The following DAB2 variants were observed in gnomAD, a reference collection of about 807,000 sequenced individuals.
DAB2 encodes the protein DAB adaptor protein 2, also known as disabled homolog 2.
Under a neutral mutation model 71.6 loss-of-function variants are expected in DAB2, and 28 were observed. The observed-to-expected ratio is 0.39, with a 90% CI of 0.29 to 0.54. DAB2 has a LOEUF of 0.54. Among genes scored for constraint, DAB2 ranks in the 20% least tolerant of loss-of-function variants. The pLI, the probability that DAB2 is intolerant of heterozygous loss-of-function variation, is 0.68. For synonymous variants in DAB2, 345 were observed against 339.7 expected, an observed-to-expected ratio of 1.02 and a Z score of -0.17; for missense variants, 867 against 928.8, an observed-to-expected ratio of 0.93 and a Z score of 0.86.
intron 3 of DAB2, 151 bp downstream of exon 3, chr5:39,393,103 G>T: frequency 1.3e-6 from 1 of 741,366 alleles, no homozygotes; most frequent in Non-Finnish European, 2.2e-6. Flanking sequence ...AAACACTCAC[G>T]GTTTCTCAGA....
chr5:39,380,811 T>C (rs956260150), intron 11 of DAB2, among the ~76,000 whole-genome samples: 2 of 152,166 alleles, frequency 1.3e-5, no homozygotes, highest in African/African-American at 4.8e-5. Flanking sequence ...AACTTTGGCT[T>C]TCTAGGACTT....
intron 11 of DAB2, 39 bp downstream of exon 11, chr5:39,381,415 G>A (rs1348606580): frequency 6.3e-7 from 1 of 1,592,482 alleles, no homozygotes; most frequent in Admixed American, 1.7e-5. Context: ...ATGAGCAAAA[G>A]CAAAAGAGTC....
intron 14 of DAB2, among the ~76,000 whole-genome samples, chr5:39,374,591 C>A (rs1334089870): frequency 1.3e-5 from 2 of 152,178 alleles, no homozygotes; most frequent in African/African-American, 4.8e-5. Flanking sequence ...TGATCATAAT[C>A]TGTTTTGCTG....
At chr5:39,385,613 A>T (rs1309466477) in intron 9 of DAB2, among the ~76,000 whole-genome samples, 1 of 152,128 alleles carries the variant, frequency 6.6e-6, no homozygotes, top group Non-Finnish European at 1.5e-5. Context: ...TGAGCACCTG[A>T]GCCGCACGCA....
rs1754856502 is a variant in DAB2 at position 39,377,249 on chromosome 5, G to T, written c.1538C>A (p.Pro513Gln). The stretch of plus-strand genomic sequence containing the variant: ...GAAGACCAAAGATGCTGTGTTCCAT[G>T]GTCCTGCCTGAGGGAGTGTGACAGT... ...GVTVTLPQAG[P>Q]WNTASLVFNQ... The change falls in exon 12 of 15, where the codon CCA (proline) becomes CAA (glutamine). Residue 513 changes from proline (P) to glutamine (Q), a missense_variant. Pro to Gln is a moderately conservative substitution (Grantham distance 76, BLOSUM62 -1). This residue lies in a region of DAB2 where 740 missense variants were observed against 734.3 expected (regional missense o/e 1.01). Transcript: ENST00000320816. 1 of 1,613,960 alleles carries T rather than the reference G, an allele frequency of 6.2e-7. No individual in the cohort carries two copies. The highest frequency in any genetic ancestry group is 8.5e-7 in the Non-Finnish European group (1 of 1,179,928).
rs763370289 is a variant in DAB2 at position 39,376,700 on chromosome 5, T to C, written c.2087A>G (p.Asn696Ser). ...AGCATCAAAGTCATCATGGTCTGCA[T>C]TCTCCTGAGGAATGCCAACCTTGCT... is the stretch of plus-strand genomic sequence containing the variant. Reference protein sequence around the residue: ...FNSKVGIPQENADHDDFDANQ... With the variant: ...FNSKVGIPQESADHDDFDANQ... The change falls in exon 12 of 15, where the codon AAT becomes AGT. Residue 696 changes from asparagine to serine, a missense_variant. By Grantham distance (46) the Asn-to-Ser change is conservative (BLOSUM62 1). Coordinates refer to ENST00000320816, the MANE Select transcript of DAB2 (RefSeq NM_001343.4). 4 of 1,614,136 alleles carry C rather than the reference T, an allele frequency of 2.5e-6. No individual in the cohort carries two copies. In the East Asian group the frequency reaches 8.9e-5, roughly 36 times the overall value.
intron 1 of DAB2, among the ~76,000 whole-genome samples, chr5:39,399,387 T>C (rs1579916483): frequency 6.6e-6 from 1 of 152,216 alleles, no homozygotes; most frequent in Non-Finnish European, 1.5e-5. Flanking sequence ...GGACTGGCTG[T>C]TTCCTTCATT....
chr5:39,385,942 A>G (rs1276463241), intron 9 of DAB2, among the ~76,000 whole-genome samples: 1 of 152,188 alleles, frequency 6.6e-6, no homozygotes, highest in Non-Finnish European at 1.5e-5. Context: ...AGCTTTTAGC[A>G]TCGATTTTTC....
At chr5:39,389,193 T>A in intron 6 of DAB2, 70 bp from the exon 7 acceptor site, 1 of 1,239,072 alleles carries the variant, frequency 8.1e-7, no homozygotes, top group Non-Finnish European at 1.2e-6. Context: ...CACAAACAAG[T>A]ATGCCTATGG....
intron 1 of DAB2, among the ~76,000 whole-genome samples, chr5:39,402,371 T>C (rs1420511159): frequency 2.6e-5 from 4 of 152,212 alleles, no homozygotes; most frequent in Admixed American, 6.5e-5. Flanking sequence ...TAAGAACCTA[T>C]GCTCAAATGA....
At chr5:39,403,413 C>T (rs1304696495) in intron 1 of DAB2, among the ~76,000 whole-genome samples, 2 of 152,052 alleles carry the variant, frequency 1.3e-5, no homozygotes, top group African/African-American at 4.8e-5. Flanking sequence ...CCAAGAATGC[C>T]TTCCATTTAG....
At chr5:39,391,443 G>A (rs1240039116) in intron 4 of DAB2, among the ~76,000 whole-genome samples, 1 of 152,070 alleles carries the variant, frequency 6.6e-6, no homozygotes, top group Non-Finnish European at 1.5e-5. Flanking sequence ...AGATAAAGGC[G>A]ACTGATAAAG....
chr5:39,384,066 A>T (rs1417736350), intron 9 of DAB2, among the ~76,000 whole-genome samples: 1 of 152,212 alleles, frequency 6.6e-6, no homozygotes, highest in Non-Finnish European at 1.5e-5. Flanking sequence ...TCAATCACAC[A>T]TTAAGATCTC....
In DAB2 at chr5:39,424,938, G is replaced by C. The variant is rs1756074081; in HGVS notation, c.-236C>G. Reference sequence around the variant, plus strand: ...GCTTCGGAGCCGCGCGGCCACTCCCGGCGAGAGATATGGTTCTAATCAGAT... The same window carrying C: ...GCTTCGGAGCCGCGCGGCCACTCCCCGCGAGAGATATGGTTCTAATCAGAT... On this transcript the variant is annotated 5_prime_UTR_variant, in exon 1 of 15. Transcript: ENST00000320816. 1 of 152,392 alleles carries C rather than the reference G, an allele frequency of 6.6e-6. No individual in the cohort carries two copies. The highest frequency in any genetic ancestry group is 2.4e-5 in the African/African-American group (1 of 41,386). The allele number at this position is 152,392 out of a possible 1,614,324, so 9.4% of individuals were successfully genotyped here.
rs569999215 is a variant in DAB2, at chr5:39,395,084, A to G, written c.-101-663T>C. On this transcript the variant is annotated intron_variant, in intron 1 of 14. Transcript: ENST00000320816. ...TTATGCTATTATTCAGCATCACCATACTCCAAACAGTCTGTCATGTGCTCT... is the reference window on the plus strand; with the variant it reads ...TTATGCTATTATTCAGCATCACCATGCTCCAAACAGTCTGTCATGTGCTCT... Among the ~76,000 whole-genome samples, 3 of 152,132 alleles carry G rather than the reference A, an allele frequency of 2.0e-5. No individual in the cohort carries two copies. In the East Asian group the frequency reaches 5.8e-4, roughly 29 times the overall value.
intron 1 of DAB2, among the ~76,000 whole-genome samples, chr5:39,405,351 C>A (rs192566455): frequency 1.6e-3 from 237 of 152,308 alleles, no homozygotes; most frequent in Admixed American, 2.3e-3. Context: ...TCAAGTATAA[C>A]CTCCTCTGGC....
At chr5:39,418,182 A>T (rs969140233) in intron 1 of DAB2, 1 of 152,338 alleles carries the variant, frequency 6.6e-6, no homozygotes, top group East Asian at 1.9e-4. Flanking sequence ...AGCACCTACT[A>T]TGTGTAGCCA....
intron 12 of DAB2, 111 bp from the exon 13 acceptor site, chr5:39,376,217 C>G (rs1754824835): frequency 1.3e-6 from 1 of 772,140 alleles, no homozygotes; most frequent in Non-Finnish European, 2.1e-6. Flanking sequence ...AAATTTACAT[C>G]AGTGGAACAA....
intron 3 of DAB2, among the ~76,000 whole-genome samples, chr5:39,392,992 G>C (rs1269050285): frequency 6.6e-6 from 1 of 152,146 alleles, no homozygotes; most frequent in South Asian, 2.1e-4. Flanking sequence ...ATAGGAATAC[G>C]CTTGGTTCGT....
Sources: gnomAD v4.1 joint callset for allele counts (sites outside exome capture counted in the v4.1 genomes callset) on GRCh38, gnomAD v4.1.1 for gene constraint, gnomAD v4.1.1 regional missense constraint, MANE v1.5 for transcripts, NCBI Gene and HGNC (gene_info 2026-07-23, HGNC 2026-07-21) for gene names.